Variants in OTOG observed in about 807,000 individuals in gnomAD.
OTOG encodes otogelin.
Under a neutral mutation model 313.8 loss-of-function variants are expected in OTOG, and 296 were observed. The ratio of observed to expected loss-of-function variants is 0.94; its 90% CI spans 0.86 to 1.04. The LOEUF is 1.04. Among genes scored for constraint, OTOG ranks in the 50% least tolerant of loss-of-function variants. OTOG has a pLI of 0.00. For synonymous variants in OTOG, 1,533 were observed against 1,554.9 expected, an observed-to-expected ratio of 0.99 and a Z score of 0.33; for missense variants, 3,948 against 3,840.1, an observed-to-expected ratio of 1.03 and a Z score of -0.74.
chr11:17,562,287 A>G (rs1452494480), intron 15 of OTOG, among the ~76,000 whole-genome samples: 4 of 149,874 alleles, frequency 2.7e-5, no homozygotes, highest in Admixed American at 1.3e-4. Context: ...ACAAAAAGTT[A>G]GTTTTGATTG....
At chr11:17,614,606 C>T (rs1235296641) in intron 39 of OTOG, among the ~76,000 whole-genome samples, 3 of 152,156 alleles carry the variant, frequency 2.0e-5, no homozygotes, top group Admixed American at 1.3e-4. Context: ...AACCCCTCCC[C>T]CCTCCTGCTG....
intron 20 of OTOG, 71 bp downstream of exon 20, chr11:17,574,983 T>C: frequency 7.3e-7 from 1 of 1,373,080 alleles, no homozygotes. Flanking sequence ...CATCTGAGAC[T>C]GGGGAACCTG....
At chr11:17,574,613 T>C (rs1420881040) in intron 19 of OTOG, 107 bp from the exon 20 acceptor site, 260 of 1,182,040 alleles carry the variant, frequency 2.2e-4, no homozygotes, top group Non-Finnish European at 9.3e-6. Flanking sequence ...CAGACAAATG[T>C]CTGAACTTCT....
chr11:17,564,466 C>T (rs1852257628), intron 15 of OTOG, among the ~76,000 whole-genome samples: 1 of 152,060 alleles, frequency 6.6e-6, no homozygotes, highest in African/African-American at 2.4e-5. Flanking sequence ...GAGGGCACTC[C>T]AAGGGTTGAT....
chr11:17,621,010 T>C (rs1251759829), intron 39 of OTOG, among the ~76,000 whole-genome samples: 1 of 152,198 alleles, frequency 6.6e-6, no homozygotes, highest in Non-Finnish European at 1.5e-5. Context: ...CTTGAGCACA[T>C]ATAGTTAAAA....
At chr11:17,594,195 G>A in intron 28 of OTOG, 29 bp downstream of exon 28, 1 of 1,550,558 alleles carries the variant, frequency 6.4e-7, no homozygotes, top group Admixed American at 2.0e-5. Flanking sequence ...GCTGGCTTAT[G>A]CCCCTCACTC....
rs1274985459 is a variant in OTOG, at chr11:17,632,100, T to A, written c.6946T>A (p.Ser2316Thr). 1 of 1,550,848 alleles carries A rather than the reference T, an allele frequency of 6.4e-7. No homozygotes were observed. The highest frequency in any genetic ancestry group is 2.4e-5 in the East Asian group (1 of 40,910). Residue 2316 changes from serine (S) to threonine (T), a missense_variant, in exon 42 of 56, where the codon TCA (serine) becomes ACA (threonine). Physicochemically the swap from Ser to Thr is moderately conservative, Grantham distance 58. Coordinates refer to ENST00000399397, the MANE Select transcript of OTOG (RefSeq NM_001292063.2). ...TGCATATGTCCAGGTGCCTCCGGAG[T>A]CATTCTGTGAGCTGTGGATCCGGGA... The part of the protein sequence containing the change: ...SACHRFVPPE[S>T]FCELWIRDTK...
chr11:17,600,567 A>G (rs1011868086), intron 31 of OTOG, among the ~76,000 whole-genome samples: 2 of 152,170 alleles, frequency 1.3e-5, no homozygotes, highest in African/African-American at 4.8e-5. Context: ...ACAGGATACC[A>G]TCTGGGGGCC....
At chr11:17,640,327 C>A (rs1040871697) in intron 49 of OTOG, among the ~76,000 whole-genome samples, 1 of 152,180 alleles carries the variant, frequency 6.6e-6, no homozygotes. Context: ...CTCTTAGCCA[C>A]CAGGCTGCAT....
At chr11:17,609,608 G>A in intron 35 of OTOG, 47 bp from the exon 36 acceptor site, 1 of 1,427,972 alleles carries the variant, frequency 7.0e-7, no homozygotes, top group Non-Finnish European at 9.3e-7. Flanking sequence ...ATGACCCCCG[G>A]GGCAGCAGTC....
chr11:17,552,085 A>T lies in OTOG; in HGVS notation c.292+10A>T, dbSNP rs141597314. ...AAGTGTGCACCATCCTGTAAGTGGCACCTTCACTGTGGTCCATGGGTTGTG... is the reference window on the plus strand; with the variant it reads ...AAGTGTGCACCATCCTGTAAGTGGCTCCTTCACTGTGGTCCATGGGTTGTG... On this transcript the variant is annotated intron_variant, in intron 4 of 55. Coordinates refer to ENST00000399397, the MANE Select transcript of OTOG (RefSeq NM_001292063.2). 27,856 of 1,549,972 alleles carry T rather than the reference A, an allele frequency of 0.018. 300 individuals are homozygous for T. The highest frequency in any genetic ancestry group is 0.021 in the Non-Finnish European group (23,645 of 1,146,430).
At chr11:17,597,038 C>A (rs758578313) in intron 30 of OTOG, 31 bp downstream of exon 30, 3 of 1,547,062 alleles carry the variant, frequency 1.9e-6, no homozygotes, top group African/African-American at 1.4e-5. Context: ...CCTGAGGGGA[C>A]AGAGTAGAGT....
intron 39 of OTOG, among the ~76,000 whole-genome samples, chr11:17,621,054 C>G (rs1446530086): frequency 1.3e-5 from 2 of 152,120 alleles, no homozygotes; most frequent in African/African-American, 4.8e-5. Flanking sequence ...ATTTCCTTGT[C>G]TACCGTGTGT....
intron 25 of OTOG, 57 bp downstream of exon 25, chr11:17,591,645 T>G (rs1590025221): frequency 6.5e-7 from 1 of 1,536,896 alleles, no homozygotes. Context: ...CAGGGCACTC[T>G]GGTGCTCTGG....
intron 39 of OTOG, among the ~76,000 whole-genome samples, chr11:17,627,248 G>A (rs193246521): frequency 1.3e-5 from 2 of 152,230 alleles, no homozygotes; most frequent in African/African-American, 4.8e-5. Context: ...GATACTAGCT[G>A]TGGTTCTGTC....
intron 51 of OTOG, among the ~76,000 whole-genome samples, chr11:17,641,550 G>C (rs1270100511): frequency 6.6e-6 from 1 of 152,164 alleles, no homozygotes; most frequent in Non-Finnish European, 1.5e-5. Context: ...TCTGTCATTT[G>C]TCAAAAGTCC....
At position 17,547,962 on chromosome 11, in the gene OTOG, C is replaced by T. The variant is rs1592056528; in HGVS notation, c.130C>T (p.Gln44Ter). Residue 44 changes from glutamine to a stop codon, truncating the protein, a stop_gained, in exon 2 of 56, where the codon CAG becomes TAG. Coordinates refer to ENST00000399397, the MANE Select transcript of OTOG (RefSeq NM_001292063.2). LOFTEE classifies it high-confidence loss of function. Reference protein sequence around the residue: ...APVLWGSAEPQPEPAGQPSSS... With the variant: ...APVLWGSAEP ...CGTTCTGTGGGGCAGTGCAGAGCCA[C>T]AGCCAGAGCCAGCCGGGCAACCCAG... 1 of 541,884 alleles carries T rather than the reference C, an allele frequency of 1.8e-6. No individual in the cohort carries two copies. Among genetic ancestry groups the T allele is most frequent in the East Asian group, 3.1e-5 (1 of 32,694 alleles). The allele number at this position is 541,884 out of a possible 1,614,324, so 33.6% of individuals were successfully genotyped here.
chr11:17,613,474 A>G, intron 38 of OTOG, 138 bp from the exon 39 acceptor site: 1 of 696,686 alleles, frequency 1.4e-6, no homozygotes, highest in Non-Finnish European at 2.5e-6. Context: ...GGGCACCATC[A>G]GCCCAGCCTG....
chr11:17,645,931 G>A lies in OTOG; in HGVS notation c.8729G>A (p.Cys2910Tyr), dbSNP rs1477305037. The change falls in exon 56 of 56, where the codon TGC becomes TAC. Residue 2910 changes from cysteine to tyrosine, a missense_variant. Cys to Tyr is a radical substitution (Grantham distance 194). Coordinates refer to ENST00000399397, the MANE Select transcript of OTOG (RefSeq NM_001292063.2). ...GTGCAGGAGCCCACCGACTGTGCCT[G>A]CCAGTGGTCCTGAGGCCTGGGGGCC... ...YTVQEPTDCA[C>Y]QWS 6.5e-7 allele frequency: 1 copy of A among 1,549,540 alleles called. No individual in the cohort carries two copies. Among genetic ancestry groups the A allele is most frequent in the East Asian group, 2.4e-5 (1 of 40,924 alleles).
Sources: gnomAD v4.1 joint callset for allele counts (sites outside exome capture counted in the v4.1 genomes callset) on GRCh38, gnomAD v4.1.1 for gene constraint, MANE v1.5 for transcripts, NCBI Gene and HGNC (gene_info 2026-07-23, HGNC 2026-07-21) for gene names.